CBL: variants seen among roughly 807,000 people sequenced by gnomAD.
CBL encodes Cbl proto-oncogene.
In CBL, 45 loss-of-function variants were observed where a neutral mutation model predicts 96.9. The observed-to-expected ratio is 0.46, with a 90% CI of 0.37 to 0.60. CBL has a LOEUF of 0.60. Among genes scored for constraint, CBL ranks in the 20% least tolerant of loss-of-function variants. The pLI is 0.00. For synonymous variants in CBL, 420 were observed against 426.8 expected (o/e 0.98, Z 0.20); for missense variants, 1,024 against 1,143.5 (o/e 0.90, Z 1.51).
At chr11:119,219,649 A>G (rs997641396) in intron 1 of CBL, among the ~76,000 whole-genome samples, 1 of 150,906 alleles carries the variant, frequency 6.6e-6, no homozygotes, top group African/African-American at 2.4e-5. Context: ...TTGAAGTTGC[A>G]TCGATAACTC....
intron 2 of CBL, among the ~76,000 whole-genome samples, chr11:119,248,324 A>C (rs905837316): frequency 6.6e-6 from 1 of 152,204 alleles, no homozygotes; most frequent in African/African-American, 2.4e-5. Context: ...ACCCTCATAC[A>C]TATGGTCAAT....
At chr11:119,296,086 A>G (rs948404988) in intron 12 of CBL, among the ~76,000 whole-genome samples, 7 of 152,224 alleles carry the variant, frequency 4.6e-5, no homozygotes, top group Admixed American at 2.0e-4. Context: ...TTAAGTTTCT[A>G]TAGCACTTAT....
At chr11:119,219,347 C>T (rs1949389165) in intron 1 of CBL, among the ~76,000 whole-genome samples, 1 of 149,270 alleles carries the variant, frequency 6.7e-6, no homozygotes, top group Admixed American at 6.7e-5. Flanking sequence ...CATTGCACTC[C>T]AGCCTGGGCA....
intron 1 of CBL, among the ~76,000 whole-genome samples, chr11:119,214,242 C>CTT (rs879705207): frequency 2.1e-5 from 3 of 142,184 alleles, no homozygotes; most frequent in African/African-American, 5.2e-5. Context: ...CCCGCCCGGA[C>CTT]TTTTTTTTTT....
At chr11:119,217,242 G>A (rs1334323788) in intron 1 of CBL, among the ~76,000 whole-genome samples, 6 of 152,092 alleles carry the variant, frequency 3.9e-5, no homozygotes, top group Admixed American at 1.3e-4. Context: ...TCAGCCTCCC[G>A]AGTAGCTGGG....
chr11:119,282,617 G>T (rs1353393209), intron 9 of CBL, among the ~76,000 whole-genome samples: 2 of 152,200 alleles, frequency 1.3e-5, no homozygotes, highest in Non-Finnish European at 2.9e-5. Flanking sequence ...GCAGAGACCA[G>T]ATTAGAAAGA....
At chr11:119,297,227 A>C (rs1332473075) in intron 13 of CBL, among the ~76,000 whole-genome samples, 157 bp from the exon 14 acceptor site, 1 of 152,236 alleles carries the variant, frequency 6.6e-6, no homozygotes, top group African/African-American at 2.4e-5. Flanking sequence ...TCTCAGCAAC[A>C]TGAGAACCTC....
Position 119,297,030 on chromosome 11 carries a change from T to G in CBL, c.2149T>G (p.Ser717Ala). 6.5e-7 allele frequency: 1 copy of G among 1,527,834 alleles called. No individual in the cohort carries two copies. The highest frequency in any genetic ancestry group is 1.1e-5 in the South Asian group (1 of 89,378). The allele number at this position is 1,527,834 out of a possible 1,614,324, so 94.6% of individuals were successfully genotyped here. ...PLRPLDTSQS[S>A]RACDCDQQID... The stretch of plus-strand genomic sequence containing the variant: ...ACGGCCTTTGGATACATCCCAGAGT[T>G]CACGGTAGGTTCACAACAACCCTTT... The change falls in exon 13 of 16, where the codon TCA (serine) becomes GCA (alanine). Residue 717 changes from serine to alanine, a missense_variant. Physicochemically the swap from Ser to Ala is moderately conservative, Grantham distance 99 (BLOSUM62 1). Transcript: ENST00000264033.
At chr11:119,239,986 G>T (rs11217204) in intron 2 of CBL, among the ~76,000 whole-genome samples, 29,302 of 152,056 alleles carry the variant, frequency 0.19, 3,572 homozygotes, top group East Asian at 0.38. Context: ...TAGAAAAAAT[G>T]AGTATCTTAA....
At chr11:119,263,850 T>C (rs1458867613) in intron 2 of CBL, among the ~76,000 whole-genome samples, 2 of 152,220 alleles carry the variant, frequency 1.3e-5, no homozygotes. Flanking sequence ...ATTCTTTAGA[T>C]GACACTAGTG....
Position 119,304,884 on chromosome 11 carries a change from C to T in CBL, c.*5103C>T. The stretch of plus-strand genomic sequence containing the variant: ...TCATGATCCACCCACCTCGGCCTCC[C>T]AAAGTGCTAAGATTACAGGCGTGAG... On this transcript the variant is annotated 3_prime_UTR_variant, in exon 16 of 16. Coordinates refer to ENST00000264033, the MANE Select transcript of CBL (RefSeq NM_005188.4). The T allele has an allele frequency of 5.2e-6, 1 of 190,818 alleles. No individual in the cohort carries two copies. Among genetic ancestry groups the T allele is most frequent in the Non-Finnish European group, 1.1e-5 (1 of 90,920 alleles). The allele number at this position is 190,818 out of a possible 1,614,324, so 11.8% of individuals were successfully genotyped here.
Position 119,307,952 on chromosome 11 carries a change from TAGC to T in CBL, c.*8174_*8176del, listed in dbSNP as rs1301722930. 6 of 196,214 alleles carry T rather than the reference TAGC, an allele frequency of 3.1e-5. No homozygotes were observed. The highest frequency in any genetic ancestry group is 3.2e-5 in the Non-Finnish European group (3 of 94,250). The allele number at this position is 196,214 out of a possible 1,614,324, so 12.2% of individuals were successfully genotyped here. A position where few individuals can be genotyped will look rare whatever the true frequency, so the allele number is the denominator to read the frequency against. ...AGAAGGTAAATATTCTTACAGAGAA[TAGC>T]AGAGCTTTAAGATTCATTTTCATTT... On this transcript the variant is annotated 3_prime_UTR_variant, in exon 16 of 16. Transcript: ENST00000264033.
At position 119,273,872 on chromosome 11, in the gene CBL, A is replaced by G. The variant is rs397517082; in HGVS notation, c.595A>G (p.Ile199Val). 1.5e-5 allele frequency: 25 copies of G among 1,613,772 alleles called. No homozygotes were observed. The highest frequency in any genetic ancestry group is 1.7e-5 in the Admixed American group (1 of 60,002). Residue 199 changes from isoleucine to valine, a missense_variant, in exon 4 of 16, where the codon ATA becomes GTA. Physicochemically the swap from Ile to Val is conservative, Grantham distance 29. This residue lies in a region of CBL where 192 missense variants were observed against 321.8 expected (regional missense o/e 0.60). Transcript: ENST00000264033. ...TCCTCTCCACCCCCTCCCCAGGACA[A>G]TAGTCCCTTGGAAGAGCTTTCGACA... ...FWRKAFGEKT[I>V]VPWKSFRQAL...
At chr11:119,232,112 T>C (rs1321655155) in intron 1 of CBL, among the ~76,000 whole-genome samples, 1 of 151,972 alleles carries the variant, frequency 6.6e-6, no homozygotes, top group East Asian at 1.9e-4. Flanking sequence ...AATAAAAATA[T>C]TGTGGGGATC....
chr11:119,278,129 A>G, intron 7 of CBL, 37 bp from the exon 8 acceptor site: 1 of 1,469,316 alleles, frequency 6.8e-7, no homozygotes, highest in Non-Finnish European at 9.5e-7. Flanking sequence ...GCAGTTATTT[A>G]TTCAACTAAT....
chr11:119,277,977 C>A, intron 7 of CBL, 133 bp downstream of exon 7: 1 of 870,806 alleles, frequency 1.1e-6, no homozygotes, highest in Non-Finnish European at 1.9e-6. Flanking sequence ...TGTGGTTTCA[C>A]TTTAAACCCT....
At chr11:119,246,674 ACTC>A (rs1949634212) in intron 2 of CBL, among the ~76,000 whole-genome samples, 1 of 151,352 alleles carries the variant, frequency 6.6e-6, no homozygotes, top group Non-Finnish European at 1.5e-5. Flanking sequence ...CTGGTCTTGA[ACTC>A]CTGACCTCAA....
At chr11:119,298,766 A>G (rs1291014945) in intron 15 of CBL, among the ~76,000 whole-genome samples, 2 of 152,186 alleles carry the variant, frequency 1.3e-5, no homozygotes, top group African/African-American at 2.4e-5. Flanking sequence ...GGCTCTTCTT[A>G]TGTTAGGGGT....
chr11:119,226,890 G>A (rs1228438749), intron 1 of CBL, among the ~76,000 whole-genome samples: 1 of 152,164 alleles, frequency 6.6e-6, no homozygotes. Flanking sequence ...TCTCTTTGGT[G>A]ACTTCCTTAC....
Sources: gnomAD v4.1 joint callset for allele counts (sites outside exome capture counted in the v4.1 genomes callset) on GRCh38, gnomAD v4.1.1 for gene constraint, gnomAD v4.1.1 regional missense constraint, MANE v1.5 for transcripts, NCBI Gene and HGNC (gene_info 2026-07-23, HGNC 2026-07-21) for gene names.